The following ESRRG variants were observed in gnomAD, a reference collection of about 807,000 sequenced individuals.
ESRRG encodes estrogen-related receptor gamma.
A neutral mutation model predicts 44.0 loss-of-function variants in ESRRG; 13 were observed. The ratio of observed to expected loss-of-function variants is 0.30; its 90% confidence interval spans 0.19 to 0.47. The LOEUF (loss-of-function observed/expected upper bound fraction) is 0.47, where lower values mean the gene tolerates loss of function less well. Ranked by LOEUF, ESRRG falls within the 20% of genes least tolerant of loss-of-function variation. ESRRG has a pLI of 1.00. For missense variants in ESRRG, 395 were observed against 580.6 expected (o/e 0.68, Z 3.29); for synonymous variants, 215 against 214.6 (o/e 1.00, Z -0.02).
intron 2 of ESRRG, among the ~76,000 whole-genome samples, chr1:216,730,848 T>G (rs1406410591): frequency 6.6e-6 from 1 of 152,180 alleles, no homozygotes. Flanking sequence ...GCCTGCTCCA[T>G]GCTATACTAA....
At chr1:216,790,855 G>T (rs1033996634) in intron 2 of ESRRG, among the ~76,000 whole-genome samples, 7 of 152,086 alleles carry the variant, frequency 4.6e-5, no homozygotes, top group Non-Finnish European at 7.3e-5. Context: ...GCATTGCTTG[G>T]ATCTGGGACA....
intron 2 of ESRRG, among the ~76,000 whole-genome samples, chr1:216,758,785 G>T (rs1421500920): frequency 6.6e-6 from 1 of 151,674 alleles, no homozygotes; most frequent in African/African-American, 2.4e-5. Context: ...GAATTCAGGG[G>T]GTTATGTACT....
chr1:217,105,415 T>C (rs965480160), intron 1 of ESRRG, among the ~76,000 whole-genome samples: 3 of 152,158 alleles, frequency 2.0e-5, no homozygotes, highest in African/African-American at 7.2e-5. Context: ...AGAGATGAAA[T>C]ACTTGCTCAG....
chr1:216,582,117 C>A (rs1162280981), intron 3 of ESRRG, among the ~76,000 whole-genome samples: 1 of 152,084 alleles, frequency 6.6e-6, no homozygotes, highest in African/African-American at 2.4e-5. Context: ...TCTTGAAATC[C>A]TGATTTTAAA....
At chr1:216,687,961 T>C (rs1214605277) in intron 1 of ESRRG, among the ~76,000 whole-genome samples, 1 of 152,042 alleles carries the variant, frequency 6.6e-6, no homozygotes, top group Non-Finnish European at 1.5e-5. Context: ...CTTTGGTAAT[T>C]AGGTGTCTCA....
chr1:216,862,069 T>C (rs1429342984), intron 2 of ESRRG, among the ~76,000 whole-genome samples: 1 of 152,220 alleles, frequency 6.6e-6, no homozygotes, highest in African/African-American at 2.4e-5. Flanking sequence ...GTAATTCTCA[T>C]ACACTGTTGC....
chr1:216,708,036 T>A (rs781417070), intron 1 of ESRRG, among the ~76,000 whole-genome samples: 1 of 152,200 alleles, frequency 6.6e-6, no homozygotes, highest in Non-Finnish European at 1.5e-5. Context: ...TGGTGTTAGA[T>A]TAATTTTTTA....
At chr1:217,089,597 T>G (rs1457298726) in exon 1 of ESRRG, 1 of 152,208 alleles carries the variant, frequency 6.6e-6, no homozygotes, top group African/African-American at 2.4e-5. Flanking sequence ...TATGAAAGTC[T>G]ACAAAACCCC....
At chr1:216,967,897 C>T (rs1026253833) in intron 1 of ESRRG, among the ~76,000 whole-genome samples, 1 of 152,156 alleles carries the variant, frequency 6.6e-6, no homozygotes, top group African/African-American at 2.4e-5. Flanking sequence ...ACATCCTCAT[C>T]AGCATTTGGT....
chr1:217,030,932 T>C (rs1172518554), intron 1 of ESRRG, among the ~76,000 whole-genome samples: 1 of 152,236 alleles, frequency 6.6e-6, no homozygotes, highest in African/African-American at 2.4e-5. Flanking sequence ...AGCATGAGAC[T>C]TAAAATTAAA....
At chr1:216,756,510 TC>T (rs1379151014) in intron 2 of ESRRG, among the ~76,000 whole-genome samples, 4 of 151,926 alleles carry the variant, frequency 2.6e-5, no homozygotes, top group Non-Finnish European at 5.9e-5. Flanking sequence ...ATCAAGAAAA[TC>T]AGGTTTTTTC....
At chr1:216,725,461 A>C (rs1286536961), upstream of ESRRG, among the ~76,000 whole-genome samples, 1 of 152,190 alleles carries the variant, frequency 6.6e-6, no homozygotes, top group Non-Finnish European at 1.5e-5. Context: ...TTGTCTATTC[A>C]ATCTAAAATA....
At chr1:216,819,383 T>A (rs1236484792) in intron 2 of ESRRG, among the ~76,000 whole-genome samples, 1 of 140,676 alleles carries the variant, frequency 7.1e-6, no homozygotes, top group Non-Finnish European at 1.6e-5. Flanking sequence ...GTTTTCTGTA[T>A]ATCTTCTTCC....
chr1:217,027,514 C>A (rs945445220), intron 1 of ESRRG, among the ~76,000 whole-genome samples: 1 of 152,088 alleles, frequency 6.6e-6, no homozygotes, highest in African/African-American at 2.4e-5. Context: ...ATTGCTCTTG[C>A]CAGTTAGCAA....
At chr1:217,005,028 G>A (rs764593070) in intron 1 of ESRRG, among the ~76,000 whole-genome samples, 18 of 152,066 alleles carry the variant, frequency 1.2e-4, no homozygotes, top group Non-Finnish European at 2.2e-4. Flanking sequence ...ATTTATTGCC[G>A]ATCAGAATTT....
intron 3 of ESRRG, among the ~76,000 whole-genome samples, chr1:216,612,876 G>C (rs2060863910): frequency 6.6e-6 from 1 of 152,170 alleles, no homozygotes; most frequent in African/African-American, 2.4e-5. Context: ...AGCCATTAAT[G>C]GGAATTATGG....
At chr1:216,716,117 G>C (rs1022520051) in intron 1 of ESRRG, among the ~76,000 whole-genome samples, 1 of 151,966 alleles carries the variant, frequency 6.6e-6, no homozygotes, top group Non-Finnish European at 1.5e-5. Flanking sequence ...TGGATTGTCC[G>C]TGTTCCTTTG....
At chr1:216,614,055 C>T (rs943351395) in intron 3 of ESRRG, among the ~76,000 whole-genome samples, 1 of 152,192 alleles carries the variant, frequency 6.6e-6, no homozygotes, top group Non-Finnish European at 1.5e-5. Context: ...CCCTGCTTTA[C>T]AAAAACACAC....
intron 2 of ESRRG, among the ~76,000 whole-genome samples, chr1:216,784,983 T>C (rs2094072833): frequency 6.6e-6 from 1 of 152,022 alleles, no homozygotes; most frequent in African/African-American, 2.4e-5. Flanking sequence ...ACTTGCAAAA[T>C]GTTCCCTCCG....
Sources: allele counts gnomAD v4.1 joint callset (sites outside exome capture counted in the v4.1 genomes callset), GRCh38; gene constraint gnomAD v4.1.1; transcripts MANE v1.5; gene names NCBI Gene and HGNC (gene_info 2026-07-23, HGNC 2026-07-21).